The following CHMP6 variants were observed in gnomAD, a reference collection of about 807,000 sequenced individuals.
CHMP6 encodes chromatin-modifying protein 6.
A neutral mutation model predicts 32.8 loss-of-function variants in CHMP6; 10 were observed. The observed-to-expected ratio is 0.30, with a 90% CI of 0.19 to 0.52. The LOEUF is 0.52. CHMP6 is among the 20% of genes least tolerant of loss of function. The pLI is 0.97. For synonymous variants in CHMP6, 123 were observed against 105.8 expected (o/e 1.16, Z -1.00); for missense variants, 269 against 263.8 (o/e 1.02, Z -0.14).
intron 1 of CHMP6, among the ~76,000 whole-genome samples, 160 bp downstream of exon 1, chr17:80,992,141 G>A (rs2069597674): frequency 6.6e-6 from 1 of 151,418 alleles, no homozygotes; most frequent in Non-Finnish European, 1.5e-5. Flanking sequence ...TCCGCCCTGC[G>A]TCCCTCCTCG....
intron 3 of CHMP6, 109 bp downstream of exon 3, chr17:80,995,215 TGC>T: frequency 9.4e-7 from 1 of 1,061,056 alleles, no homozygotes; most frequent in Non-Finnish European, 1.4e-6. Flanking sequence ...TCCTCTCAGA[TGC>T]CTCGGGCTGA....
intron 7 of CHMP6, among the ~76,000 whole-genome samples, chr17:80,998,870 CG>C (rs2069662097): frequency 6.6e-6 from 1 of 152,200 alleles, no homozygotes; most frequent in Admixed American, 6.5e-5. Context: ...CTCTGAGTCC[CG>C]CTGGGAGGGG....
At chr17:80,994,417 AC>A (rs1186028664) in intron 1 of CHMP6, among the ~76,000 whole-genome samples, 163 bp from the exon 2 acceptor site, 2 of 151,356 alleles carry the variant, frequency 1.3e-5, no homozygotes, top group African/African-American at 2.4e-5. Context: ...CCTGGCTTCC[AC>A]CCCCAGACGT....
At chr17:80,997,954 G>A (rs1189638305) in intron 6 of CHMP6, among the ~76,000 whole-genome samples, 4 of 152,250 alleles carry the variant, frequency 2.6e-5, no homozygotes, top group Admixed American at 6.5e-5. Flanking sequence ...AGAGGCAGAA[G>A]CACCCGTGCT....
At position 80,995,041 on chromosome 17, in the gene CHMP6, A is replaced by G. The variant is rs1396866207; in HGVS notation, c.196A>G (p.Lys66Glu). The G allele has an allele frequency of 6.3e-7, 1 of 1,599,944 alleles. No homozygotes were observed. ...CAGACGGGCCAAGCTGCTGCTCAAGAAGAAGCGATACCAGGAGCAGCTCCT... is the reference window on the plus strand; with the variant it reads ...CAGACGGGCCAAGCTGCTGCTCAAGGAGAAGCGATACCAGGAGCAGCTCCT... ...RKERAKLLLK[K>E]KRYQEQLLDR... The change falls in exon 3 of 8, where the codon AAG (lysine) becomes GAG (glutamate). Residue 66 changes from lysine (K) to glutamate (E), a missense_variant. Transcript: ENST00000325167.
At chr17:80,995,875 G>A in intron 4 of CHMP6, 117 bp downstream of exon 4, 1 of 871,604 alleles carries the variant, frequency 1.1e-6, no homozygotes. Context: ...CAAGAGGCTG[G>A]CAGGGGAGAT....
chr17:80,996,618 C>G (rs1288083536), intron 4 of CHMP6, among the ~76,000 whole-genome samples: 1 of 152,242 alleles, frequency 6.6e-6, no homozygotes, highest in East Asian at 1.9e-4. Context: ...CCAGAATGTT[C>G]TACCTGTTGC....
rs58065351 is a variant in CHMP6, at chr17:80,998,488, C to CAAG, written c.550+70_550+72dup. The stretch of plus-strand genomic sequence containing the variant: ...GAGAAAAGTGGATTCTAGAAGGGAA[C>CAAG]AAGACAGAATGCTCCCAGGCCTTCC... On this transcript the variant is annotated intron_variant, in intron 7 of 7. Transcript: ENST00000325167. 8,830 of 1,613,224 alleles carry CAAG rather than the reference C, an allele frequency of 5.5e-3. 415 individuals are homozygous for CAAG. The African/African-American group carries it at 0.1, about 19-fold the overall frequency.
At chr17:80,997,519 A>G (rs1025470732) in intron 6 of CHMP6, among the ~76,000 whole-genome samples, 178 bp downstream of exon 6, 4 of 151,940 alleles carry the variant, frequency 2.6e-5, no homozygotes, top group Non-Finnish European at 4.4e-5. Flanking sequence ...TGCTCACCCA[A>G]CGGTCTGGTG....
At chr17:80,997,450 GTAAA>G in intron 6 of CHMP6, 109 bp downstream of exon 6, 1 of 642,362 alleles carries the variant, frequency 1.6e-6, no homozygotes, top group Non-Finnish European at 2.4e-6. Context: ...TGTCCTTTAA[GTAAA>G]TAGTCTGCGG....
chr17:80,998,166 T>G (rs930501964), intron 6 of CHMP6, among the ~76,000 whole-genome samples, 200 bp from the exon 7 acceptor site: 1 of 152,146 alleles, frequency 6.6e-6, no homozygotes, highest in Non-Finnish European at 1.5e-5. Flanking sequence ...TGGTAGCGGC[T>G]GCGTCACCAC....
chr17:80,995,176 A>T, intron 3 of CHMP6, 70 bp downstream of exon 3: 1 of 1,441,510 alleles, frequency 6.9e-7, no homozygotes, highest in Non-Finnish European at 9.5e-7. Flanking sequence ...CTGCGTGGAC[A>T]TCAGAAATTT....
rs1331915685 is a variant in CHMP6 at position 80,998,377 on chromosome 17, G to A, written c.507G>A (p.Glu169=). The A allele has an allele frequency of 6.2e-7, 1 of 1,614,198 alleles. No homozygotes were observed. The highest frequency in any genetic ancestry group is 8.5e-7 in the Non-Finnish European group (1 of 1,180,028). ...TTTGCTTCTTGCAGGAACAAATAGA[G>A]CTGCCAGAGGTTCCCTCCGAGCCCC... ...ELSAITQEQI[E]LPEVPSEPLP... Residue 169 remains glutamate, a synonymous_variant, in exon 7 of 8, where the codon GAG becomes GAA. Coordinates refer to ENST00000325167, the MANE Select transcript of CHMP6 (RefSeq NM_024591.5).
intron 1 of CHMP6, among the ~76,000 whole-genome samples, chr17:80,993,297 G>T (rs548690199): frequency 1.3e-5 from 2 of 151,038 alleles, no homozygotes; most frequent in Admixed American, 1.3e-4. Flanking sequence ...TAGGATAACA[G>T]GTGTTCCCCA....
intron 3 of CHMP6, 23 bp from the exon 4 acceptor site, chr17:80,995,649 G>A (rs373125714): frequency 2.4e-5 from 39 of 1,610,674 alleles, no homozygotes; most frequent in Admixed American, 1.0e-4. Flanking sequence ...CAGCACCTGC[G>A]TCTGCTCTGG....
chr17:80,994,518 C>T lies in CHMP6; in HGVS notation c.64-63C>T, dbSNP rs953002064. On this transcript the variant is annotated intron_variant, in intron 1 of 7. Transcript: ENST00000325167. Reference sequence around the variant, plus strand: ...CCGCCCGGCCTCCATGCCTGGCGCTCAGTAGCGTGGCCAGGGCTCCCAGTG... The same window carrying T: ...CCGCCCGGCCTCCATGCCTGGCGCTTAGTAGCGTGGCCAGGGCTCCCAGTG... 54 of 1,441,664 alleles carry T rather than the reference C, an allele frequency of 3.7e-5. No homozygotes were observed. In the Admixed American group the frequency reaches 1.2e-3, roughly 31 times the overall value. 89.3% of individuals were successfully genotyped at this position (1,441,664 alleles called of 1,614,324 possible). A position where few individuals can be genotyped will look rare whatever the true frequency, so the allele number is the denominator to read the frequency against.
intron 1 of CHMP6, among the ~76,000 whole-genome samples, chr17:80,994,315 C>T (rs577503830): frequency 1.6e-4 from 25 of 152,334 alleles, no homozygotes; most frequent in East Asian, 1.9e-4. Context: ...AGCAATGCCA[C>T]GGTGGTCTTC....
intron 6 of CHMP6, among the ~76,000 whole-genome samples, chr17:80,997,961 TGCTGGCTTAG>T (rs2069653642): frequency 2.0e-5 from 3 of 152,246 alleles, no homozygotes; most frequent in African/African-American, 7.2e-5. Flanking sequence ...GAAGCACCCG[TGCTGGCTTAG>T]GCAGCCAAGC....
intron 6 of CHMP6, 121 bp downstream of exon 6, chr17:80,997,462 C>G: frequency 1.8e-6 from 1 of 567,136 alleles, no homozygotes. Flanking sequence ...AAATAGTCTG[C>G]GGTTTGTGAC....
Sources: allele counts gnomAD v4.1 joint callset (sites outside exome capture counted in the v4.1 genomes callset), GRCh38; gene constraint gnomAD v4.1.1; transcripts MANE v1.5; gene names NCBI Gene and HGNC (gene_info 2026-07-23, HGNC 2026-07-21).